Variants in TNFSF4 observed in about 807,000 individuals in gnomAD.
TNFSF4 encodes the protein TNF superfamily member 4, also known as tumor necrosis factor ligand superfamily member 4.
Under a neutral mutation model 7.3 loss-of-function variants are expected in TNFSF4, and 4 were observed. That is an observed-to-expected ratio of 0.55 (90% CI 0.27 to 1.25). The LOEUF (loss-of-function observed/expected upper bound fraction) is 1.25. Among genes scored for constraint, TNFSF4 ranks in the 50% most tolerant of loss-of-function variants. The probability of loss-of-function intolerance (pLI) is 0.12; values close to 1 mark genes in which losing one functional copy is unlikely to be tolerated. For missense variants in TNFSF4, 181 were observed against 208.8 expected (o/e 0.87, Z 0.82); for synonymous variants, 76 against 83.7 (o/e 0.91, Z 0.50).
chr1:173,208,724 A>G (rs1258007191), upstream of TNFSF4, among the ~76,000 whole-genome samples: 2 of 152,176 alleles, frequency 1.3e-5, no homozygotes, highest in African/African-American at 4.8e-5. Flanking sequence ...CAGGGTGTGG[A>G]GAAAAAAGCT....
At chr1:173,284,416 G>C in the TNFSF4 span, among the ~76,000 whole-genome samples, 1,295 of 152,328 alleles carry the variant, frequency 8.5e-3, 7 homozygotes, top group Middle Eastern at 0.037. Flanking sequence ...TGCTGATGTA[G>C]AAGCTGCAGC....
chr1:173,308,659 T>C, the TNFSF4 span, among the ~76,000 whole-genome samples: 1 of 151,942 alleles, frequency 6.6e-6, no homozygotes, highest in Non-Finnish European at 1.5e-5. Context: ...AAGATGTCTG[T>C]TGGTGAGTTA....
chr1:173,188,437 A>T (rs941922339), intron 2 of TNFSF4, 84 bp downstream of exon 2: 5 of 1,079,204 alleles, frequency 4.6e-6, no homozygotes, highest in African/African-American at 3.2e-5. Context: ...AAAAGAAGAG[A>T]TCTTGTGTTC....
chr1:173,404,103 A>C, the TNFSF4 span, among the ~76,000 whole-genome samples: 1 of 152,196 alleles, frequency 6.6e-6, no homozygotes, highest in African/African-American at 2.4e-5. Context: ...ACATGGAAGC[A>C]AGAGACCGTG....
At chr1:173,203,453 A>T (rs1650037682) in intron 1 of TNFSF4, among the ~76,000 whole-genome samples, 1 of 152,210 alleles carries the variant, frequency 6.6e-6, no homozygotes, top group African/African-American at 2.4e-5. Context: ...GTCTATTGTT[A>T]AAAAAGAACT....
the TNFSF4 span, among the ~76,000 whole-genome samples, chr1:173,328,641 C>G: frequency 1.3e-5 from 2 of 149,644 alleles, no homozygotes; most frequent in Non-Finnish European, 3.0e-5. Flanking sequence ...ATGTAACAAA[C>G]CTGCACATTC....
At chr1:173,263,668 A>T in the TNFSF4 span, among the ~76,000 whole-genome samples, 69,842 of 152,022 alleles carry the variant, frequency 0.46, 16,347 homozygotes, top group Admixed American at 0.53. Context: ...TCATGGAGAA[A>T]CACTTCCTTT....
the TNFSF4 span, among the ~76,000 whole-genome samples, chr1:173,287,345 T>C: frequency 6.6e-6 from 1 of 151,960 alleles, no homozygotes. Context: ...AAAAATAAAA[T>C]AAATAATTTT....
the TNFSF4 span, among the ~76,000 whole-genome samples, chr1:173,357,666 G>C: frequency 6.6e-6 from 1 of 152,058 alleles, no homozygotes; most frequent in Admixed American, 6.6e-5. Context: ...CGAGTAGCTG[G>C]GATTACAGGC....
the TNFSF4 span, among the ~76,000 whole-genome samples, chr1:173,394,987 C>G: frequency 4.7e-5 from 6 of 126,874 alleles, no homozygotes; most frequent in African/African-American, 1.9e-4. Flanking sequence ...ATAGAGGACA[C>G]ATAGATAGAT....
chr1:173,376,217 A>G, the TNFSF4 span, among the ~76,000 whole-genome samples: 1 of 152,236 alleles, frequency 6.6e-6, no homozygotes, highest in East Asian at 1.9e-4. Flanking sequence ...TCAATGATAG[A>G]ATGGATAAAG....
At chr1:173,297,782 C>T in the TNFSF4 span, among the ~76,000 whole-genome samples, 1 of 151,926 alleles carries the variant, frequency 6.6e-6, no homozygotes, top group African/African-American at 2.4e-5. Context: ...GTGAGGGGAG[C>T]AGAATATGCT....
the TNFSF4 span, among the ~76,000 whole-genome samples, chr1:173,307,368 A>C: frequency 6.6e-6 from 1 of 151,938 alleles, no homozygotes. Context: ...ATTCAAACAC[A>C]ATGTACACAA....
chr1:173,212,860 AAAAAATAAAAT>A, the TNFSF4 span, among the ~76,000 whole-genome samples: 2 of 151,876 alleles, frequency 1.3e-5, no homozygotes, highest in Non-Finnish European at 2.9e-5. Flanking sequence ...TTTTTTAAAT[AAAAAATAAAAT>A]AAAAATAAAA....
the TNFSF4 span, among the ~76,000 whole-genome samples, chr1:173,218,882 G>A: frequency 6.6e-6 from 1 of 152,032 alleles, no homozygotes; most frequent in Non-Finnish European, 1.5e-5. Context: ...AAAGTCCCAA[G>A]TAACCACAAA....
chr1:173,220,404 A>C, the TNFSF4 span, among the ~76,000 whole-genome samples: 1 of 152,212 alleles, frequency 6.6e-6, no homozygotes, highest in Non-Finnish European at 1.5e-5. Flanking sequence ...CTATTTATTC[A>C]GTTCCTCCTA....
intron 1 of TNFSF4, among the ~76,000 whole-genome samples, chr1:173,190,157 C>T (rs563375799): frequency 2.0e-5 from 3 of 152,180 alleles, no homozygotes; most frequent in South Asian, 4.2e-4. Context: ...GGGCCAAGAT[C>T]GCCCCACTAC....
the TNFSF4 span, among the ~76,000 whole-genome samples, chr1:173,328,716 C>T: frequency 7.9e-5 from 12 of 151,748 alleles, no homozygotes; most frequent in Non-Finnish European, 1.3e-4. Context: ...AACTGCTAGA[C>T]GAAAACGTAG....
At chr1:173,348,718 GACC>G in the TNFSF4 span, among the ~76,000 whole-genome samples, 9 of 152,112 alleles carry the variant, frequency 5.9e-5, no homozygotes, top group African/African-American at 2.2e-4. Flanking sequence ...GCATGAAAAA[GACC>G]ACCACAAATC....
Sources: allele counts gnomAD v4.1 joint callset (sites outside exome capture counted in the v4.1 genomes callset), GRCh38; gene constraint gnomAD v4.1.1; transcripts MANE v1.5; gene names NCBI Gene and HGNC (gene_info 2026-07-23, HGNC 2026-07-21).